Variants in DLGAP2 observed in about 807,000 individuals in gnomAD.
DLGAP2 encodes DLG associated protein 2, also known as disks large-associated protein 2.
DLGAP2 carries 26 observed loss-of-function variants against 100.3 expected under a neutral mutation model. That is an observed-to-expected ratio of 0.26 (90% CI 0.19 to 0.36). The LOEUF is 0.36. Ranked by LOEUF, DLGAP2 falls within the 10% of genes least tolerant of loss-of-function variation. The pLI is 1.00. For missense variants in DLGAP2, 1,858 were observed against 1,453.2 expected (o/e 1.28, Z -4.53); for synonymous variants, 886 against 630.1 (o/e 1.41, Z -6.08).
At chr8:1,562,940 G>A (rs569708786) in intron 5 of DLGAP2, among the ~76,000 whole-genome samples, 2 of 97,078 alleles carry the variant, frequency 2.1e-5, no homozygotes. Context: ...TGCGGGGACT[G>A]TGCAGTGTCC....
At chr8:1,075,770 T>C (rs550810991) in intron 2 of DLGAP2, among the ~76,000 whole-genome samples, 30 of 152,016 alleles carry the variant, frequency 2.0e-4, no homozygotes, top group African/African-American at 6.8e-4. Flanking sequence ...TGGTTCTTTG[T>C]AAAGATAGCT....
At chr8:805,894 G>T (rs1301109585) in intron 1 of DLGAP2, among the ~76,000 whole-genome samples, 3 of 152,228 alleles carry the variant, frequency 2.0e-5, no homozygotes, top group Non-Finnish European at 4.4e-5. Flanking sequence ...TCCAGGCTGG[G>T]AACATAGCCA....
At chr8:1,664,123 A>G (rs1234226740) in intron 8 of DLGAP2, among the ~76,000 whole-genome samples, 1 of 152,236 alleles carries the variant, frequency 6.6e-6, no homozygotes, top group Non-Finnish European at 1.5e-5. Context: ...GTGCGGGCAC[A>G]GCAGCATCAG....
At chr8:1,302,022 A>T (rs1800355965) in intron 3 of DLGAP2, 1 of 152,250 alleles carries the variant, frequency 6.6e-6, no homozygotes, top group South Asian at 2.1e-4. Flanking sequence ...ACAACTAGGC[A>T]TTCTGTTCTT....
intron 2 of DLGAP2, among the ~76,000 whole-genome samples, chr8:946,126 A>G (rs1457342213): frequency 1.3e-5 from 2 of 151,966 alleles, no homozygotes; most frequent in African/African-American, 2.4e-5. Flanking sequence ...AGGCTCTGGG[A>G]AGCTGCGCTT....
intron 6 of DLGAP2, among the ~76,000 whole-genome samples, chr8:1,576,122 A>G (rs191077643): frequency 0.014 from 2,173 of 152,252 alleles, 22 homozygotes; most frequent in Non-Finnish European, 0.021. Context: ...CATCCTCTCC[A>G]GCACCTGTTG....
chr8:1,540,006 C>T (rs946472719), intron 4 of DLGAP2, among the ~76,000 whole-genome samples: 3 of 152,168 alleles, frequency 2.0e-5, no homozygotes, highest in African/African-American at 4.8e-5. Context: ...GTTATTATTG[C>T]CAGCCCCACC....
intron 2 of DLGAP2, among the ~76,000 whole-genome samples, chr8:1,146,274 C>T (rs910994936): frequency 5.3e-5 from 8 of 152,188 alleles, no homozygotes; most frequent in East Asian, 1.9e-4. Context: ...TCTGATATCG[C>T]GTAGCCTCTG....
intron 2 of DLGAP2, among the ~76,000 whole-genome samples, chr8:1,075,909 TAAAAAC>T (rs1803591402): frequency 7.1e-6 from 1 of 140,590 alleles, no homozygotes; most frequent in African/African-American, 2.6e-5. Context: ...TCAAAAAAAA[TAAAAAC>T]AAAAAAAAAG....
intron 1 of DLGAP2, among the ~76,000 whole-genome samples, chr8:845,222 T>G (rs533772019): frequency 2.6e-5 from 4 of 152,352 alleles, no homozygotes; most frequent in South Asian, 4.1e-4. Context: ...CGTTTCAGAC[T>G]GTTTTCCAAA....
At chr8:911,659 G>GTGGGAAGGATGCTGGAGAATT (rs1798487846) in intron 2 of DLGAP2, among the ~76,000 whole-genome samples, 1 of 151,802 alleles carries the variant, frequency 6.6e-6, no homozygotes, top group East Asian at 1.9e-4. Context: ...GCTGGAGAAT[G>GTGGGAAGGATGCTGGAGAATT]TTGGAAGGAT....
intron 3 of DLGAP2, among the ~76,000 whole-genome samples, chr8:1,436,432 G>A (rs1000620534): frequency 4.6e-5 from 7 of 152,108 alleles, no homozygotes; most frequent in African/African-American, 7.2e-5. Context: ...GCTGGCAGCC[G>A]AATAGATGGT....
chr8:880,963 C>T (rs1174695846), intron 1 of DLGAP2, among the ~76,000 whole-genome samples: 2 of 152,212 alleles, frequency 1.3e-5, no homozygotes, highest in Non-Finnish European at 2.9e-5. Flanking sequence ...GCACAGCCAA[C>T]TTTCTATCTC....
chr8:778,839 C>T (rs1007298462), intron 1 of DLGAP2, among the ~76,000 whole-genome samples: 2 of 152,262 alleles, frequency 1.3e-5, no homozygotes, highest in African/African-American at 2.4e-5. Flanking sequence ...CAGAGGCAGG[C>T]AGGCCTCCTT....
chr8:1,492,573 A>T (rs1384127483), intron 3 of DLGAP2, among the ~76,000 whole-genome samples: 1 of 152,110 alleles, frequency 6.6e-6, no homozygotes, highest in Non-Finnish European at 1.5e-5. Flanking sequence ...AAACATTGTC[A>T]CTGCGCCTGC....
intron 2 of DLGAP2, among the ~76,000 whole-genome samples, chr8:928,033 G>A (rs1027002456): frequency 1.3e-5 from 2 of 152,138 alleles, no homozygotes; most frequent in Non-Finnish European, 2.9e-5. Flanking sequence ...ATGGGGTCCC[G>A]GGAGAACGGG....
intron 1 of DLGAP2, among the ~76,000 whole-genome samples, chr8:766,300 C>A (rs774189683): frequency 1.3e-5 from 2 of 152,256 alleles, no homozygotes; most frequent in Admixed American, 6.5e-5. Context: ...CAAACCCTTT[C>A]CCAGTCAGCT....
intron 2 of DLGAP2, among the ~76,000 whole-genome samples, chr8:1,196,163 C>G (rs1054411538): frequency 3.9e-5 from 6 of 152,336 alleles, no homozygotes; most frequent in Admixed American, 3.3e-4. Flanking sequence ...GTAGTGCTCA[C>G]CTGTTAAAGA....
At chr8:1,390,341 TTTAAAACTCCG>T (rs149115001) in intron 3 of DLGAP2, among the ~76,000 whole-genome samples, 33,024 of 152,094 alleles carry the variant, frequency 0.22, 4,513 homozygotes, top group South Asian at 0.31. Context: ...TGTATGACCT[TTTAAAACTCCG>T]TTTATTAAAA....
Sources: gnomAD v4.1 joint callset for allele counts (sites outside exome capture counted in the v4.1 genomes callset) on GRCh38, gnomAD v4.1.1 for gene constraint, MANE v1.5 for transcripts, NCBI Gene and HGNC (gene_info 2026-07-23, HGNC 2026-07-21) for gene names.